The following LARP1 variants were observed in gnomAD, a reference collection of about 807,000 sequenced individuals.
LARP1 encodes the protein la-related protein 1.
Under a neutral mutation model 122.7 loss-of-function variants are expected in LARP1, and 36 were observed. The ratio of observed to expected loss-of-function variants is 0.29; its 90% CI spans 0.22 to 0.39. The LOEUF (loss-of-function observed/expected upper bound fraction) is 0.39. Ranked by LOEUF, LARP1 falls within the 10% of genes least tolerant of loss-of-function variation. The pLI is 1.00. For synonymous variants in LARP1, 539 were observed against 528.7 expected (o/e 1.02, Z -0.27); for missense variants, 1,040 against 1,403.6 (o/e 0.74, Z 4.14).
In LARP1 at chr5:154,808,483, A is replaced by G. The variant is rs1758979764; in HGVS notation, c.2723A>G (p.Gln908Arg). 2 of 1,613,404 alleles carry G rather than the reference A, an allele frequency of 1.2e-6. No homozygotes were observed. The highest frequency in any genetic ancestry group is 1.7e-6 in the Non-Finnish European group (2 of 1,179,924). The change falls in exon 16 of 19, where the codon CAG becomes CGG. Residue 908 changes from glutamine to arginine, a missense_variant. By Grantham distance (43) the Gln-to-Arg change is conservative (BLOSUM62 1). Transcript: ENST00000518297. Reference sequence around the variant, plus strand: ...GAGCGGAAACGCTTGGGCATTGGCCAGTCTCAGGAGATGAACACACTCTTC... The same window carrying G: ...GAGCGGAAACGCTTGGGCATTGGCCGGTCTCAGGAGATGAACACACTCTTC... The part of the protein sequence containing the change: ...LNERKRLGIG[Q>R]SQEMNTLFRF...
chr5:154,778,162 A>C (rs1444681168), intron 1 of LARP1, among the ~76,000 whole-genome samples: 1 of 151,178 alleles, frequency 6.6e-6, no homozygotes, highest in Non-Finnish European at 1.5e-5. Context: ...CGGGAGGCTG[A>C]GGCAGGAGAA....
rs372761332 is a variant in LARP1 at position 154,803,546 on chromosome 5, C to T, written c.2240C>T (p.Thr747Met). ...CCTCTCTCTGCCTCTGCAGTTCCTA[C>T]GGATGCCCTGGCCAACAAGTTGTTT... ...PGPPRFQQVP[T>M]DALANKLFGA... The change falls in exon 13 of 19, where the codon ACG (threonine) becomes ATG (methionine). Residue 747 changes from threonine to methionine, a missense_variant. Coordinates refer to ENST00000518297, the MANE Select transcript of LARP1 (RefSeq NM_033551.3). The surrounding 1 kb of genome is among the most constrained non-coding windows in gnomAD (Gnocchi z 4.4). 29 of 1,614,060 alleles carry T rather than the reference C, an allele frequency of 1.8e-5. No homozygotes were observed. Among genetic ancestry groups the T allele is most frequent in the South Asian group, 5.5e-5 (5 of 91,086 alleles).
Position 154,803,608 on chromosome 5 carries a change from C to CA in LARP1, c.2302_2303insA (p.Pro768HisfsTer73). The CA allele has an allele frequency of 6.2e-7, 1 of 1,614,202 alleles. No individual in the cohort carries two copies. Among genetic ancestry groups the CA allele is most frequent in the Non-Finnish European group, 8.5e-7 (1 of 1,180,038 alleles). ...GCCCTCCACCATCGCCCGCTCTCTA[C>CA]CAACCACTGTCCCAGAGTCACCAAA... On this transcript the variant is annotated frameshift_variant, in exon 13 of 19. Coordinates refer to ENST00000518297, the MANE Select transcript of LARP1 (RefSeq NM_033551.3). LOFTEE classifies it high-confidence loss of function. This position sits in a 1 kb window ranked among gnomAD's most constrained non-coding sequence, Gnocchi z 4.4.
At chr5:154,725,016 C>T (rs1186418297) in intron 1 of LARP1, among the ~76,000 whole-genome samples, 1 of 152,080 alleles carries the variant, frequency 6.6e-6, no homozygotes, top group African/African-American at 2.4e-5. Context: ...TTGCCTCACA[C>T]CTGTAATCCC....
At chr5:154,763,518 C>T (rs1366279700) in intron 1 of LARP1, among the ~76,000 whole-genome samples, 1 of 151,816 alleles carries the variant, frequency 6.6e-6, no homozygotes, top group Non-Finnish European at 1.5e-5. Context: ...GTGGCTCACA[C>T]CTGTAATCCC....
chr5:154,794,278 C>T lies in LARP1; in HGVS notation c.1232+16C>T. ...AGCGCCAGATGTGAGTGTGCGGAAG[C>T]CTTCTTACCCTGGAGAAATGAGTGA... On this transcript the variant is annotated intron_variant, in intron 7 of 18. Transcript: ENST00000518297. 2.5e-6 allele frequency: 4 copies of T among 1,610,032 alleles called. No homozygotes were observed. In the East Asian group the frequency reaches 6.7e-5, roughly 27 times the overall value.
At chr5:154,780,906 AC>A (rs1756368517) in intron 1 of LARP1, among the ~76,000 whole-genome samples, 1 of 152,020 alleles carries the variant, frequency 6.6e-6, no homozygotes, top group Non-Finnish European at 1.5e-5. Context: ...TACTGAAAAT[AC>A]AAAAAATTAG....
At chr5:154,718,959 G>T (rs1365930129) in intron 1 of LARP1, among the ~76,000 whole-genome samples, 1 of 152,180 alleles carries the variant, frequency 6.6e-6, no homozygotes, top group Non-Finnish European at 1.5e-5. Context: ...AAGTCATGTG[G>T]CAAGGCAAGG....
chr5:154,700,903 G>C (rs1019006578), intron 1 of LARP1, among the ~76,000 whole-genome samples: 8 of 152,062 alleles, frequency 5.3e-5, no homozygotes, highest in Non-Finnish European at 1.0e-4. Flanking sequence ...ACTGCAGTGG[G>C]AGCCGAAATC....
chr5:154,685,370 T>G (rs1212695536), intron 1 of LARP1, among the ~76,000 whole-genome samples: 3 of 152,174 alleles, frequency 2.0e-5, no homozygotes, highest in African/African-American at 4.8e-5. Flanking sequence ...CGGCCACCTA[T>G]TAGGTCCTTT....
chr5:154,714,306 A>T (rs1755372106), intron 1 of LARP1, among the ~76,000 whole-genome samples: 1 of 152,254 alleles, frequency 6.6e-6, no homozygotes, highest in South Asian at 2.1e-4. Flanking sequence ...TTAATGTGAT[A>T]AAAGAATTAC....
chr5:154,791,994 A>G, intron 3 of LARP1: 2 of 455,870 alleles, frequency 4.4e-6, no homozygotes, highest in South Asian at 3.1e-5. Flanking sequence ...CTTGATGGCC[A>G]AGTGGGGATT....
intron 1 of LARP1, among the ~76,000 whole-genome samples, chr5:154,737,905 TG>T (rs1267024363): frequency 6.6e-6 from 1 of 152,050 alleles, no homozygotes; most frequent in Non-Finnish European, 1.5e-5. Context: ...TCATAGTCCC[TG>T]AACATTCCCC....
At chr5:154,764,766 G>A (rs947190261) in intron 1 of LARP1, among the ~76,000 whole-genome samples, 1 of 151,500 alleles carries the variant, frequency 6.6e-6, no homozygotes, top group African/African-American at 2.4e-5. Flanking sequence ...GTAGCTGGGC[G>A]TCATCGTGCA....
At chr5:154,782,937 G>C (rs1372654861) in intron 1 of LARP1, among the ~76,000 whole-genome samples, 1 of 152,130 alleles carries the variant, frequency 6.6e-6, no homozygotes, top group Non-Finnish European at 1.5e-5. Flanking sequence ...GGGTCTCCAG[G>C]CTCCCCTCTA....
At position 154,816,718 on chromosome 5, in the gene LARP1, G is replaced by C. The variant is rs1319135912; in HGVS notation, c.*2622G>C. 1 of 152,518 alleles carries C rather than the reference G, an allele frequency of 6.6e-6. No individual in the cohort carries two copies. Among genetic ancestry groups the C allele is most frequent in the African/African-American group, 2.4e-5 (1 of 41,464 alleles). The allele number at this position is 152,518 out of a possible 1,614,324, so 9.4% of individuals were successfully genotyped here. On this transcript the variant is annotated 3_prime_UTR_variant, in exon 19 of 19. Coordinates refer to ENST00000518297, the MANE Select transcript of LARP1 (RefSeq NM_033551.3). ...TTCACACCTACCATCGTCCCATGGG[G>C]ATCCAAGACCTGAGATAAAGCAACA...
At chr5:154,784,649 A>G (rs1756741794) in intron 1 of LARP1, among the ~76,000 whole-genome samples, 1 of 152,048 alleles carries the variant, frequency 6.6e-6, no homozygotes, top group Non-Finnish European at 1.5e-5. Flanking sequence ...GCCTTTTCTC[A>G]CCTTTCATGC....
chr5:154,725,897 G>T (rs1441112798), intron 1 of LARP1, among the ~76,000 whole-genome samples: 7 of 152,108 alleles, frequency 4.6e-5, no homozygotes, highest in Non-Finnish European at 1.0e-4. Context: ...CTGGAGTACA[G>T]TGGTACAATC....
chr5:154,780,748 A>G (rs1756356082), intron 1 of LARP1, among the ~76,000 whole-genome samples: 1 of 152,196 alleles, frequency 6.6e-6, no homozygotes, highest in African/African-American at 2.4e-5. Flanking sequence ...AGGATGCCCT[A>G]AGATTGGAAG....
Sources: gnomAD v4.1 joint callset for allele counts (sites outside exome capture counted in the v4.1 genomes callset) on GRCh38, gnomAD v4.1.1 for gene constraint, Gnocchi (gnomAD v3.1) non-coding constraint, MANE v1.5 for transcripts, NCBI Gene and HGNC (gene_info 2026-07-23, HGNC 2026-07-21) for gene names.